The following MACROD2 variants were observed in gnomAD, a reference collection of about 807,000 sequenced individuals.
The protein encoded by MACROD2 is ADP-ribose glycohydrolase MACROD2.
A neutral mutation model predicts 70.4 loss-of-function variants in MACROD2; 36 were observed. That is an observed-to-expected ratio of 0.51 (90% CI 0.39 to 0.68). The LOEUF (loss-of-function observed/expected upper bound fraction) is 0.68, where lower values mean the gene tolerates loss of function less well. MACROD2 is among the 30% of genes least tolerant of loss of function. The pLI is 0.00. For synonymous variants in MACROD2, 172 were observed against 178.8 expected (o/e 0.96, Z 0.30); for missense variants, 496 against 538.4 (o/e 0.92, Z 0.78).
chr20:15,986,616 C>T, intron 13 of MACROD2, 111 bp from the exon 14 acceptor site: 1 of 583,738 alleles, frequency 1.7e-6, no homozygotes, highest in Admixed American at 3.8e-5. Context: ...GGTTTCAAAA[C>T]TGTTCTCTAT....
intron 8 of MACROD2, among the ~76,000 whole-genome samples, chr20:15,746,593 A>G: frequency 6.6e-6 from 1 of 150,430 alleles, no homozygotes; most frequent in East Asian, 1.9e-4. Context: ...GAAACGGTGA[A>G]ACTTTCATCA....
chr20:15,206,459 T>C (rs1166911776), intron 5 of MACROD2, among the ~76,000 whole-genome samples: 1 of 152,140 alleles, frequency 6.6e-6, no homozygotes, highest in African/African-American at 2.4e-5. Flanking sequence ...ATCTTAAATA[T>C]ACCATCTGGA....
chr20:15,789,871 C>T (rs1028822466), intron 8 of MACROD2, among the ~76,000 whole-genome samples: 4 of 151,814 alleles, frequency 2.6e-5, no homozygotes, highest in African/African-American at 9.7e-5. Flanking sequence ...TTTGAGGAAC[C>T]AAGTGTTAAC....
chr20:15,595,114 G>A (rs191985959), intron 8 of MACROD2, among the ~76,000 whole-genome samples: 3 of 152,258 alleles, frequency 2.0e-5, no homozygotes, highest in Non-Finnish European at 2.9e-5. Context: ...CTTTTTAGGA[G>A]CTTGGGCAAG....
At chr20:15,690,341 G>A (rs2050283939) in intron 8 of MACROD2, among the ~76,000 whole-genome samples, 1 of 152,200 alleles carries the variant, frequency 6.6e-6, no homozygotes, top group South Asian at 2.1e-4. Flanking sequence ...TGATTCTTAG[G>A]AATTTGATTT....
chr20:15,426,355 A>AT (rs1358717846), intron 6 of MACROD2, among the ~76,000 whole-genome samples: 4 of 151,906 alleles, frequency 2.6e-5, no homozygotes, highest in Non-Finnish European at 4.4e-5. Flanking sequence ...TTTTATTTTT[A>AT]TTTTTTAAGA....
intron 8 of MACROD2, among the ~76,000 whole-genome samples, chr20:15,504,046 A>T (rs1001365386): frequency 2.0e-5 from 3 of 152,194 alleles, no homozygotes; most frequent in African/African-American, 7.2e-5. Context: ...TCTGATTTCT[A>T]AACCATCAGG....
At chr20:14,604,444 G>A (rs923193023) in intron 4 of MACROD2, among the ~76,000 whole-genome samples, 1 of 152,180 alleles carries the variant, frequency 6.6e-6, no homozygotes, top group African/African-American at 2.4e-5. Flanking sequence ...TGAGTGCCAT[G>A]ATTACAAGTC....
At chr20:15,581,884 G>A (rs1294797883) in intron 8 of MACROD2, among the ~76,000 whole-genome samples, 4 of 152,196 alleles carry the variant, frequency 2.6e-5, no homozygotes, top group African/African-American at 9.6e-5. Flanking sequence ...CACTTTGGGA[G>A]GCCGAGGCAG....
At position 15,320,203 on chromosome 20, in the gene MACROD2, A is replaced by C. The variant is rs145419309; in HGVS notation, c.540+90142A>C. 2.0e-4 allele frequency among the ~76,000 whole-genome samples: 31 copies of C among 151,746 alleles called. No individual in the cohort carries two copies. In the East Asian group the frequency reaches 5.8e-3, roughly 28 times the overall value. On this transcript the variant is annotated intron_variant, in intron 6 of 17. Transcript: ENST00000684519. ...TGGCAACAGGGCAAGACTCCATCTC[A>C]AAAAAAACAAAACAAAACAAAAAAC...
In MACROD2 at chr20:15,137,479, T is replaced by C. The variant is rs975752014; in HGVS notation, c.419-92461T>C. Among the ~76,000 whole-genome samples, 9 of 145,714 alleles carry C rather than the reference T, an allele frequency of 6.2e-5. No homozygotes were observed. In the East Asian group the frequency reaches 6.3e-4, roughly 10 times the overall value. ...CAAGGACAAAAAACCAAACACCGCA[T>C]GTTCTCACTCATAGGTGGGAATTGA... On this transcript the variant is annotated intron_variant, in intron 5 of 17. Transcript: ENST00000684519.
rs2067280487 is a variant in MACROD2, at chr20:16,039,581, G to T, written c.1154-1620G>T. Among the ~76,000 whole-genome samples, 3 of 151,750 alleles carry T rather than the reference G, an allele frequency of 2.0e-5. No homozygotes were observed. In the South Asian group the frequency reaches 6.2e-4, roughly 32 times the overall value. Reference sequence around the variant, plus strand: ...TTATAAAGTCAAATATTTTGTTCTTGCTCCCTATTACTTCTGTGTTCTAAG... The same window carrying T: ...TTATAAAGTCAAATATTTTGTTCTTTCTCCCTATTACTTCTGTGTTCTAAG... On this transcript the variant is annotated intron_variant, in intron 15 of 17. Coordinates refer to ENST00000684519, the MANE Select transcript of MACROD2 (RefSeq NM_001351661.2).
chr20:14,712,203 T>C (rs1237420866), intron 5 of MACROD2, among the ~76,000 whole-genome samples: 1 of 152,138 alleles, frequency 6.6e-6, no homozygotes, highest in Non-Finnish European at 1.5e-5. Flanking sequence ...ACTTATTTCA[T>C]CCCTGTACTT....
chr20:16,028,839 C>T (rs544652685), intron 15 of MACROD2, among the ~76,000 whole-genome samples: 3 of 152,258 alleles, frequency 2.0e-5, no homozygotes, highest in African/African-American at 7.2e-5. Context: ...TTGGAAAAAA[C>T]AGACTAGGTG....
chr20:15,251,805 A>G (rs1300297969), intron 6 of MACROD2, among the ~76,000 whole-genome samples: 1 of 152,198 alleles, frequency 6.6e-6, no homozygotes, highest in Non-Finnish European at 1.5e-5. Flanking sequence ...AAATTGAGAA[A>G]GTTCCGGGTA....
chr20:15,905,892 T>G (rs572511551), intron 10 of MACROD2, among the ~76,000 whole-genome samples: 129 of 152,306 alleles, frequency 8.5e-4, no homozygotes, highest in Non-Finnish European at 1.6e-3. Context: ...AGAGACAGTC[T>G]TAGGAAATGA....
chr20:14,574,785 G>C (rs1980462409), intron 4 of MACROD2, among the ~76,000 whole-genome samples: 1 of 150,292 alleles, frequency 6.7e-6, no homozygotes, highest in Admixed American at 6.6e-5. Flanking sequence ...GCCGGGGCGG[G>C]TGGATCATGA....
chr20:15,988,089 G>T (rs978917609), intron 15 of MACROD2, among the ~76,000 whole-genome samples: 1 of 152,088 alleles, frequency 6.6e-6, no homozygotes, highest in East Asian at 1.9e-4. Flanking sequence ...CTTGGCAGGG[G>T]CATTGACAGT....
At chr20:14,990,777 G>T (rs1052061421) in intron 5 of MACROD2, among the ~76,000 whole-genome samples, 3 of 152,152 alleles carry the variant, frequency 2.0e-5, no homozygotes, top group African/African-American at 7.2e-5. Flanking sequence ...CTCCCAAAGT[G>T]CTGGGATTAC....
Sources: gnomAD v4.1 joint callset for allele counts (sites outside exome capture counted in the v4.1 genomes callset) on GRCh38, gnomAD v4.1.1 for gene constraint, MANE v1.5 for transcripts, NCBI Gene and HGNC (gene_info 2026-07-23, HGNC 2026-07-21) for gene names.